Variants in MGLL observed in about 807,000 individuals in gnomAD.
MGLL encodes lysophospholipase homolog.
In MGLL, 7 loss-of-function variants were observed where a neutral mutation model predicts 29.1. The observed-to-expected ratio is 0.24, with a 90% CI of 0.14 to 0.45. The LOEUF is 0.45. Ranked by LOEUF, MGLL falls within the 20% of genes least tolerant of loss-of-function variation. The probability of loss-of-function intolerance (pLI) is 0.99; values close to 1 mark genes in which losing one functional copy is unlikely to be tolerated. For synonymous variants in MGLL, 148 were observed against 168.3 expected, an observed-to-expected ratio of 0.88 and a Z score of 0.93; for missense variants, 356 against 413.6, an observed-to-expected ratio of 0.86 and a Z score of 1.21.
chr3:127,773,991 C>T (rs2076991820), intron 3 of MGLL, among the ~76,000 whole-genome samples: 1 of 152,196 alleles, frequency 6.6e-6, no homozygotes, highest in African/African-American at 2.4e-5. Context: ...TCTGTCTTCG[C>T]ACAGCAGCCT....
intron 6 of MGLL, among the ~76,000 whole-genome samples, chr3:127,697,191 A>G (rs896009247): frequency 1.3e-5 from 2 of 152,170 alleles, no homozygotes; most frequent in African/African-American, 2.4e-5. Flanking sequence ...GCCCAACCAC[A>G]GGGGGTGCTT....
intron 3 of MGLL, among the ~76,000 whole-genome samples, chr3:127,747,296 C>G (rs972080156): frequency 6.6e-6 from 1 of 152,164 alleles, no homozygotes; most frequent in Non-Finnish European, 1.5e-5. Context: ...CCTGCTCCAT[C>G]TGAAACACCC....
At chr3:127,709,167 G>C (rs1454748035) in intron 6 of MGLL, among the ~76,000 whole-genome samples, 1 of 152,172 alleles carries the variant, frequency 6.6e-6, no homozygotes, top group Non-Finnish European at 1.5e-5. Flanking sequence ...CTGCTTTTTG[G>C]AATTAAAGTT....
chr3:127,694,138 C>T (rs1452272309), intron 7 of MGLL, among the ~76,000 whole-genome samples: 1 of 151,614 alleles, frequency 6.6e-6, no homozygotes, highest in Non-Finnish European at 1.5e-5. Flanking sequence ...GGCAGGGTGG[C>T]AGGCGCCTGT....
At chr3:127,744,751 T>A (rs763235829) in intron 3 of MGLL, among the ~76,000 whole-genome samples, 1 of 152,218 alleles carries the variant, frequency 6.6e-6, no homozygotes, top group African/African-American at 2.4e-5. Context: ...CAAGAGCTTT[T>A]ACACCGCCGG....
At chr3:127,793,671 C>T (rs1272639654) in intron 2 of MGLL, among the ~76,000 whole-genome samples, 1 of 152,158 alleles carries the variant, frequency 6.6e-6, no homozygotes, top group African/African-American at 2.4e-5. Context: ...AAGTGATTGT[C>T]CTGCCTCAGC....
intron 3 of MGLL, among the ~76,000 whole-genome samples, chr3:127,737,076 A>C (rs138987626): frequency 3.3e-5 from 5 of 152,316 alleles, no homozygotes; most frequent in African/African-American, 1.2e-4. Context: ...TAAGGCCAGT[A>C]GCACTGTATC....
chr3:127,793,250 G>T (rs894065951), intron 2 of MGLL, among the ~76,000 whole-genome samples: 1 of 152,230 alleles, frequency 6.6e-6, no homozygotes, highest in Non-Finnish European at 1.5e-5. Flanking sequence ...TCTGTAACTT[G>T]CATGAGTCTA....
chr3:127,726,185 AAAAGAAAAG>A (rs138961406), intron 3 of MGLL, among the ~76,000 whole-genome samples: 1,541 of 66,382 alleles, frequency 0.023, 66 homozygotes, highest in East Asian at 0.1. Flanking sequence ...AGAAAGAAAG[AAAAGAAAAG>A]AAAGAAAGAA....
intron 2 of MGLL, among the ~76,000 whole-genome samples, chr3:127,801,832 AT>A (rs953298065): frequency 6.7e-6 from 1 of 148,970 alleles, no homozygotes; most frequent in Non-Finnish European, 1.5e-5. Flanking sequence ...TATATATATA[AT>A]TTTTTTTCTA....
At position 127,804,251 on chromosome 3, in the gene MGLL, G is replaced by A. The variant is rs145281351; in HGVS notation, c.155+17443C>T. ...GGTAACATCAATGGGAGGAGGATGG[G>A]GCCGCAGAGCCAGAAAGCAGTGTCG... On this transcript the variant is annotated intron_variant, in intron 2 of 7. Transcript: ENST00000265052. 1.7e-3 allele frequency among the ~76,000 whole-genome samples: 262 copies of A among 152,362 alleles called. 2 individuals carry two copies. Among genetic ancestry groups the A allele is most frequent in the African/African-American group, 6.0e-3 (248 of 41,580 alleles).
Position 127,772,131 on chromosome 3 carries a change from T to C in MGLL, c.262+9658A>G, listed in dbSNP as rs573319523. On this transcript the variant is annotated intron_variant, in intron 3 of 7. Coordinates refer to ENST00000265052, the MANE Select transcript of MGLL (RefSeq NM_007283.7). ...CAAGCACTCTGCATACTTCACCTCA[T>C]TGAATCCCTGGGATAACCCCAGCAA... 4.6e-5 allele frequency among the ~76,000 whole-genome samples: 7 copies of C among 152,280 alleles called. No homozygotes were observed. The East Asian group carries it at 9.7e-4, about 21-fold the overall frequency.
At chr3:127,722,652 C>CAGGAGAGAGAGCGAT in intron 3 of MGLL, 86 bp from the exon 4 acceptor site, 1 of 1,576,950 alleles carries the variant, frequency 6.3e-7, no homozygotes, top group Non-Finnish European at 8.7e-7. Flanking sequence ...TGCAATCGCT[C>CAGGAGAGAGAGCGAT]TCTCTCCTGA....
In MGLL at chr3:127,771,038, A is replaced by G. The variant is rs79374967; in HGVS notation, c.262+10751T>C. ...GGTCACAAGACTGAATGATTTACCAATTTCCTCTTTCTCTTTATGCTGCTT... is the reference window on the plus strand; with the variant it reads ...GGTCACAAGACTGAATGATTTACCAGTTTCCTCTTTCTCTTTATGCTGCTT... On this transcript the variant is annotated intron_variant, in intron 3 of 7. Transcript: ENST00000265052. Among the ~76,000 whole-genome samples, 664 of 152,194 alleles carry G rather than the reference A, an allele frequency of 4.4e-3. 24 individuals carry two copies. The East Asian group carries it at 0.08, about 18-fold the overall frequency.
At chr3:127,798,362 G>T (rs2077421041) in intron 2 of MGLL, among the ~76,000 whole-genome samples, 1 of 152,092 alleles carries the variant, frequency 6.6e-6, no homozygotes, top group African/African-American at 2.4e-5. Context: ...CCCACCTTCA[G>T]CTTCAGCCTC....
At chr3:127,695,612 T>C (rs2075345191) in intron 6 of MGLL, among the ~76,000 whole-genome samples, 1 of 152,118 alleles carries the variant, frequency 6.6e-6, no homozygotes, top group Admixed American at 6.5e-5. Context: ...GGCGTGGTGG[T>C]GGGCACCTGT....
chr3:127,773,817 A>T (rs1170114808), intron 3 of MGLL, among the ~76,000 whole-genome samples: 1 of 152,036 alleles, frequency 6.6e-6, no homozygotes, highest in African/African-American at 2.4e-5. Flanking sequence ...TGTTGCTTTT[A>T]TCTCTGTGTC....
intron 3 of MGLL, among the ~76,000 whole-genome samples, chr3:127,731,757 C>T (rs1043759204): frequency 1.4e-4 from 21 of 152,342 alleles, no homozygotes; most frequent in Non-Finnish European, 2.5e-4. Flanking sequence ...TGACCTGCCC[C>T]GTGCTCCCCT....
At chr3:127,695,989 G>A (rs1278118034) in intron 6 of MGLL, among the ~76,000 whole-genome samples, 1 of 152,190 alleles carries the variant, frequency 6.6e-6, no homozygotes, top group South Asian at 2.1e-4. Flanking sequence ...CCCATGCTAG[G>A]AGCCCCTGGA....
Sources: allele counts gnomAD v4.1 joint callset (sites outside exome capture counted in the v4.1 genomes callset), GRCh38; gene constraint gnomAD v4.1.1; transcripts MANE v1.5; gene names NCBI Gene and HGNC (gene_info 2026-07-23, HGNC 2026-07-21).